The following KCP variants were observed in gnomAD, a reference collection of about 807,000 sequenced individuals.
The protein encoded by KCP is kielin cysteine rich BMP regulator, also known as kielin/chordin-like protein.
KCP carries 194 observed loss-of-function variants against 212.7 expected under a neutral mutation model. The ratio of observed to expected loss-of-function variants is 0.91; its 90% CI spans 0.81 to 1.03. KCP has a LOEUF of 1.03. KCP is among the 50% of genes least tolerant of loss of function. The pLI is 0.00. For missense variants in KCP, 2,080 were observed against 2,162.5 expected (o/e 0.96, Z 0.76); for synonymous variants, 833 against 865.3 (o/e 0.96, Z 0.65).
At chr7:128,890,092 A>T in intron 21 of KCP, 2 of 574,998 alleles carry the variant, frequency 3.5e-6, no homozygotes, top group Non-Finnish European at 6.1e-6. Context: ...CTGATTTTAA[A>T]TTTTTTGTGT....
chr7:128,897,103 T>C (rs548364554), intron 8 of KCP, among the ~76,000 whole-genome samples: 6 of 152,206 alleles, frequency 3.9e-5, no homozygotes, highest in African/African-American at 1.4e-4. Context: ...TTTTGATTAA[T>C]GGAAAAGAAG....
chr7:128,879,144 G>A (rs1281898414), intron 37 of KCP: 3 of 348,372 alleles, frequency 8.6e-6, no homozygotes, highest in Non-Finnish European at 1.6e-5. Flanking sequence ...GGGGGCAGGG[G>A]GCAAATTACT....
rs551314841 is a variant in KCP, at chr7:128,907,142, C to T, written c.445G>A (p.Glu149Lys). 3.4e-5 allele frequency: 52 copies of T among 1,551,560 alleles called. No individual in the cohort carries two copies. The South Asian group carries it at 4.8e-4, about 14-fold the overall frequency. ...GTGCAGGCATCTGGGGAGAAGGTCT[C>T]CCCGTTGCCGTAGGTCTGGCCATTT... Reference protein sequence around the residue: ...SQNGQTYGNGETFSPDACTTC... With the variant: ...SQNGQTYGNGKTFSPDACTTC... Residue 149 changes from glutamate (E) to lysine (K), a missense_variant, in exon 4 of 40, where the codon GAG becomes AAG. By Grantham distance (56) the Glu-to-Lys change is moderately conservative. Coordinates refer to ENST00000610776, the MANE Select transcript of KCP (RefSeq NM_001366122.1).
chr7:128,909,977 G>A (rs1609544), intron 1 of KCP, among the ~76,000 whole-genome samples: 39,935 of 152,006 alleles, frequency 0.26, 7,032 homozygotes, highest in East Asian at 0.57. Context: ...AGACTCCCGT[G>A]GGGCCTCATC....
At chr7:128,903,843 A>G (rs1171051714) in intron 6 of KCP, 23 bp from the exon 7 acceptor site, 10 of 946,926 alleles carry the variant, frequency 1.1e-5, no homozygotes, top group South Asian at 6.8e-5. Flanking sequence ...AGTGGCTGTG[A>G]GGCTTCAGGT....
At chr7:128,899,053 A>G (rs1403728474) in intron 8 of KCP, among the ~76,000 whole-genome samples, 2 of 152,210 alleles carry the variant, frequency 1.3e-5, no homozygotes, top group South Asian at 2.1e-4. Flanking sequence ...CAACAGTGAC[A>G]TTTGGCTTAT....
intron 11 of KCP, 98 bp from the exon 12 acceptor site, chr7:128,893,574 AC>A: frequency 1.9e-6 from 2 of 1,079,704 alleles, no homozygotes; most frequent in Non-Finnish European, 2.7e-6. Flanking sequence ...GACAAAGAAG[AC>A]CCAGCCGAGT....
At position 128,890,507 on chromosome 7, in the gene KCP, A is replaced by G. The variant is rs1794028030; in HGVS notation, c.2171T>C (p.Leu724Pro). 1 of 1,547,366 alleles carries G rather than the reference A, an allele frequency of 6.5e-7. No individual in the cohort carries two copies. Among genetic ancestry groups the G allele is most frequent in the African/African-American group, 1.4e-5 (1 of 72,892 alleles). The change falls in exon 21 of 40, where the codon CTG becomes CCG. Residue 724 changes from leucine to proline, a missense_variant. Leu to Pro is a moderately conservative substitution (Grantham distance 98). Transcript: ENST00000610776. ...GCTGGCAAACTCCTTCCCCTGGTAC[A>G]GGCAGCCTGGGGAGAAGGGCAGGGG... ...GPCCPSCDGC[L>P]YQGKEFASGE... is the part of the protein sequence containing the mutation.
rs548302013 is a variant in KCP, at chr7:128,904,409, C to T, written c.572-271G>A. 297 of 1,456,412 alleles carry T rather than the reference C, an allele frequency of 2.0e-4. 1 individual carries two copies. In the Admixed American group the frequency reaches 2.1e-3, roughly 10 times the overall value. The allele number at this position is 1,456,412 out of a possible 1,614,324, so 90.2% of individuals were successfully genotyped here. ...CAGGGCAGACACTGAGCCAGCCCTC[C>T]CTTCCCCCACCATCCTCCCTCTTTC... On this transcript the variant is annotated intron_variant, in intron 5 of 39. Coordinates refer to ENST00000610776, the MANE Select transcript of KCP (RefSeq NM_001366122.1).
intron 8 of KCP, among the ~76,000 whole-genome samples, chr7:128,899,240 T>C (rs1203857773): frequency 6.6e-6 from 1 of 152,238 alleles, no homozygotes; most frequent in African/African-American, 2.4e-5. Context: ...GTGAAATTAT[T>C]ATATGCCACA....
intron 8 of KCP, among the ~76,000 whole-genome samples, chr7:128,895,551 T>G (rs565507696): frequency 5.3e-4 from 80 of 152,340 alleles, no homozygotes; most frequent in African/African-American, 1.9e-3. Flanking sequence ...CAACTCCATC[T>G]TGAATAGGGG....
chr7:128,880,746 G>A (rs566420248), intron 32 of KCP, 25 bp from the exon 33 acceptor site: 20 of 410,782 alleles, frequency 4.9e-5, no homozygotes, highest in Non-Finnish European at 4.3e-6. Context: ...CATTGTTCTG[G>A]GGTTTTCTGC....
In KCP at chr7:128,880,517, A is replaced by G; in HGVS notation, c.3628T>C (p.Ser1210Pro). 6.7e-7 allele frequency: 1 copy of G among 1,499,366 alleles called. No homozygotes were observed. The highest frequency in any genetic ancestry group is 9.0e-7 in the Non-Finnish European group (1 of 1,115,368). The allele number at this position is 1,499,366 out of a possible 1,614,324, so 92.9% of individuals were successfully genotyped here. Residue 1210 changes from serine to proline, a missense_variant, in exon 34 of 40, where the codon TCC (serine) becomes CCC (proline). Ser to Pro is a moderately conservative substitution (Grantham distance 74, BLOSUM62 -1). Coordinates refer to ENST00000610776, the MANE Select transcript of KCP (RefSeq NM_001366122.1). ...CCERCQAPTQ[S>P]CVHQGREVAS... ...ACCTCACGGCCCTGGTGCACGCAGG[A>G]CTGGGTGGGAGCTGAAGGGATAGGA...
chr7:128,882,650 A>T (rs1319292264), intron 29 of KCP, among the ~76,000 whole-genome samples: 1 of 152,180 alleles, frequency 6.6e-6, no homozygotes, highest in Non-Finnish European at 1.5e-5. Context: ...GCCCTCCCTG[A>T]TGGATGCCAG....
intron 2 of KCP, 40 bp downstream of exon 2, chr7:128,908,386 C>G: frequency 6.6e-7 from 1 of 1,522,642 alleles, no homozygotes; most frequent in South Asian, 1.2e-5. Context: ...TATGAGAAGC[C>G]CTCCTTACCC....
At chr7:128,888,255 C>T (rs1793833791) in intron 22 of KCP, among the ~76,000 whole-genome samples, 1 of 151,488 alleles carries the variant, frequency 6.6e-6, no homozygotes, top group African/African-American at 2.4e-5. Context: ...GTCACACACA[C>T]ACGTACACAG....
Position 128,892,962 on chromosome 7 carries a change from G to T in KCP, c.1327C>A (p.Pro443Thr). The T allele has an allele frequency of 7.8e-7, 1 of 1,289,326 alleles. No homozygotes were observed. Among genetic ancestry groups the T allele is most frequent in the Non-Finnish European group, 1.1e-6 (1 of 907,528 alleles). The allele number at this position is 1,289,326 out of a possible 1,614,324, so 79.9% of individuals were successfully genotyped here. ...TCTTGACAGACGCAGGCGGTGCAGG[G>T]CCGACCATCAGGCTCCCACTGGACT... Reference protein sequence around the residue: ...EGVQWEPDGRPCTACVCQDGV... With the variant: ...EGVQWEPDGRTCTACVCQDGV... Residue 443 changes from proline (P) to threonine (T), a missense_variant, in exon 14 of 40, where the codon CCC becomes ACC. Pro to Thr is a conservative substitution (Grantham distance 38). Transcript: ENST00000610776.
chr7:128,888,425 C>T lies in KCP; in HGVS notation c.2512+438G>A, dbSNP rs368989892. 1.9e-3 allele frequency among the ~76,000 whole-genome samples: 289 copies of T among 151,442 alleles called. 1 individual carries two copies. The highest frequency in any genetic ancestry group is 6.7e-3 in the African/African-American group (274 of 41,182). On this transcript the variant is annotated intron_variant, in intron 22 of 39. Coordinates refer to ENST00000610776, the MANE Select transcript of KCP (RefSeq NM_001366122.1). ...ACACACATACACACATACAGCAACACATACACACACATATACACACGGCCA... is the reference window on the plus strand; with the variant it reads ...ACACACATACACACATACAGCAACATATACACACACATATACACACGGCCA...
At chr7:128,883,500 T>C in intron 29 of KCP, among the ~76,000 whole-genome samples, 1 of 152,126 alleles carries the variant, frequency 6.6e-6, no homozygotes, top group Non-Finnish European at 1.5e-5. Context: ...ATTTCAGTGT[T>C]GGTATAGGAC....
Sources: gnomAD v4.1 joint callset for allele counts (sites outside exome capture counted in the v4.1 genomes callset) on GRCh38, gnomAD v4.1.1 for gene constraint, MANE v1.5 for transcripts, NCBI Gene and HGNC (gene_info 2026-07-23, HGNC 2026-07-21) for gene names.